NRG2: variants seen among roughly 807,000 people sequenced by gnomAD.
NRG2 encodes pro-neuregulin-2, membrane-bound isoform.
NRG2 carries 27 observed loss-of-function variants against 73.9 expected under a neutral mutation model. That is an observed-to-expected ratio of 0.37 (90% confidence interval 0.27 to 0.50). The LOEUF (loss-of-function observed/expected upper bound fraction) is 0.50. Among genes scored for constraint, NRG2 ranks in the 20% least tolerant of loss-of-function variants. The pLI is 0.96. For synonymous variants in NRG2, 532 were observed against 541.0 expected, an observed-to-expected ratio of 0.98 and a Z score of 0.23; for missense variants, 1,126 against 1,210.1, an observed-to-expected ratio of 0.93 and a Z score of 1.03.
chr5:139,985,203 G>A (rs1489679382), intron 1 of NRG2, among the ~76,000 whole-genome samples: 2 of 151,970 alleles, frequency 1.3e-5, no homozygotes, highest in Non-Finnish European at 2.9e-5. Context: ...AGCCAGGTGT[G>A]GTGGCACACA....
chr5:139,896,441 C>T (rs115280425), intron 1 of NRG2, among the ~76,000 whole-genome samples: 3,263 of 152,152 alleles, frequency 0.021, 120 homozygotes, highest in African/African-American at 0.074. Context: ...CAACTGCAAG[C>T]ATGAAAGTCC....
At chr5:140,001,301 G>A (rs1490648334) in intron 1 of NRG2, among the ~76,000 whole-genome samples, 4 of 152,106 alleles carry the variant, frequency 2.6e-5, no homozygotes, top group Admixed American at 2.6e-4. Flanking sequence ...CCATACTTAA[G>A]CGTATTTAAT....
chr5:139,859,560 A>G (rs1173822765), intron 5 of NRG2, among the ~76,000 whole-genome samples: 1 of 152,122 alleles, frequency 6.6e-6, no homozygotes, highest in African/African-American at 2.4e-5. Context: ...TCTCTTGTCC[A>G]GCCAGCCTGC....
In NRG2 at chr5:139,848,266, C is replaced by G. The variant is rs1025648140; in HGVS notation, c.2204G>C (p.Arg735Thr). ...CCAGCGCCGGGGCCCCGCCGACGTC[C>G]TGCGGGACGCACCGCGCGCGCGCGG... ...PRPRARGASR[R>T]TSAGPRRWRR... The change falls in exon 10 of 10, where the codon AGG (arginine) becomes ACG (threonine). Residue 735 changes from arginine to threonine, a missense_variant. By Grantham distance (71) the Arg-to-Thr change is moderately conservative. Coordinates refer to ENST00000361474, the MANE Select transcript of NRG2 (RefSeq NM_004883.3). The G allele has an allele frequency of 1.8e-6, 2 of 1,116,022 alleles. No individual in the cohort carries two copies. The highest frequency in any genetic ancestry group is 3.4e-5 in the African/African-American group (2 of 59,696). 69.1% of individuals were successfully genotyped at this position (1,116,022 alleles called of 1,614,324 possible).
rs554574182 is a variant in NRG2 at position 139,935,958 on chromosome 5, TAA to T, written c.701-48449_701-48448del. Among the ~76,000 whole-genome samples the T allele has an allele frequency of 4.8e-3, 585 of 122,208 alleles. 2 individuals carry two copies. The highest frequency in any genetic ancestry group is 0.016 in the African/African-American group (530 of 33,340). 80.2% of individuals were successfully genotyped at this position (122,208 alleles called of 152,430 possible). On this transcript the variant is annotated intron_variant, in intron 1 of 9. Transcript: ENST00000361474. ...TGGGTGACAGAGCAAGACTCTGTCT[TAA>T]AAAAAAAAAAAAAAAGAAAGAAAAA...
At chr5:139,861,836 C>T (rs1470389649) in intron 5 of NRG2, 7 of 473,936 alleles carry the variant, frequency 1.5e-5, no homozygotes, top group Admixed American at 1.3e-4. Context: ...GGAGAGCTCA[C>T]ATTGTTTGGC....
intron 3 of NRG2, among the ~76,000 whole-genome samples, chr5:139,877,188 TGTTAGCACCGCAAACTTCCTGCCGACTC>T (rs1763238814): frequency 6.6e-6 from 1 of 152,214 alleles, no homozygotes; most frequent in Admixed American, 6.5e-5. Flanking sequence ...CAAGCTATTG[TGTTAGCACCGCAAACTTCCTGCCGACTC>T]CTCCTGCCCG....
chr5:139,859,088 A>G (rs1203923951), intron 5 of NRG2, among the ~76,000 whole-genome samples: 1 of 152,078 alleles, frequency 6.6e-6, no homozygotes, highest in East Asian at 1.9e-4. Flanking sequence ...CACTTGAGCT[A>G]TGGAGGAGCC....
At chr5:139,909,143 T>A (rs990306493) in intron 1 of NRG2, among the ~76,000 whole-genome samples, 3 of 152,252 alleles carry the variant, frequency 2.0e-5, no homozygotes, top group Non-Finnish European at 2.9e-5. Context: ...AACAAGTTAA[T>A]TCAATTCCTT....
In NRG2 at chr5:139,865,314, C is replaced by A; in HGVS notation, c.1189+235G>T. ...TTGTATTGGCCTTGCCACTCTGCCC[C>A]TTACCTGCAGCCCTGAACTTTAAAC... On this transcript the variant is annotated intron_variant, in intron 5 of 9. Coordinates refer to ENST00000361474, the MANE Select transcript of NRG2 (RefSeq NM_004883.3). The surrounding 1 kb of genome is among the most constrained non-coding windows in gnomAD (Gnocchi z 5.2). 1 of 785,038 alleles carries A rather than the reference C, an allele frequency of 1.3e-6. No homozygotes were observed. 48.6% of individuals were successfully genotyped at this position (785,038 alleles called of 1,614,324 possible).
intron 1 of NRG2, among the ~76,000 whole-genome samples, chr5:139,930,339 A>G (rs890886649): frequency 6.6e-6 from 1 of 152,236 alleles, no homozygotes; most frequent in Non-Finnish European, 1.5e-5. Context: ...CAAGGAGATG[A>G]TCATGTCTAT....
At position 139,869,105 on chromosome 5, in the gene NRG2, T is replaced by TC. The variant is rs1359617056; in HGVS notation, c.1112+2615dup. On this transcript the variant is annotated intron_variant, in intron 4 of 9. Coordinates refer to ENST00000361474, the MANE Select transcript of NRG2 (RefSeq NM_004883.3). This position sits in a 1 kb window ranked among gnomAD's most constrained non-coding sequence, Gnocchi z 4.5. ...CTTGATTTGGACTCCCATTTTCAAATCCCCCTACGTTGTCTTTTTTTAAAA... is the reference window on the plus strand; with the variant it reads ...CTTGATTTGGACTCCCATTTTCAAATCCCCCCTACGTTGTCTTTTTTTAAAA... Among the ~76,000 whole-genome samples, 1 of 151,820 alleles carries TC rather than the reference T, an allele frequency of 6.6e-6. No individual in the cohort carries two copies. Among genetic ancestry groups the TC allele is most frequent in the Non-Finnish European group, 1.5e-5 (1 of 67,944 alleles).
rs1580990534 is a variant in NRG2, at chr5:140,033,088, A to T, written c.700+9282T>A. On this transcript the variant is annotated intron_variant, in intron 1 of 9. Coordinates refer to ENST00000361474, the MANE Select transcript of NRG2 (RefSeq NM_004883.3). Reference sequence around the variant, plus strand: ...AAATAAAATCACACAAACTCAAAAAATGTCACCTGTTACATGATCACATCT... The same window carrying T: ...AAATAAAATCACACAAACTCAAAAATTGTCACCTGTTACATGATCACATCT... 2.0e-5 allele frequency among the ~76,000 whole-genome samples: 3 copies of T among 152,220 alleles called. No individual in the cohort carries two copies. The East Asian group carries it at 5.8e-4, about 29-fold the overall frequency.
In NRG2 at chr5:139,856,898, T is replaced by C. The variant is rs1217864526; in HGVS notation, c.1190-1120A>G. Reference sequence around the variant, plus strand: ...CCCACTGACACACAGTTGGATGGAGTTGTAAACAACCAGACCTCCACCCTA... The same window carrying C: ...CCCACTGACACACAGTTGGATGGAGCTGTAAACAACCAGACCTCCACCCTA... On this transcript the variant is annotated intron_variant, in intron 5 of 9. Coordinates refer to ENST00000361474, the MANE Select transcript of NRG2 (RefSeq NM_004883.3). The surrounding 1 kb of genome is among the most constrained non-coding windows in gnomAD (Gnocchi z 4.2). 2.0e-5 allele frequency among the ~76,000 whole-genome samples: 3 copies of C among 151,778 alleles called. No individual in the cohort carries two copies.
chr5:139,870,847 T>C lies in NRG2; in HGVS notation c.1112+874A>G, dbSNP rs1235412670. Among the ~76,000 whole-genome samples, 2 of 152,216 alleles carry C rather than the reference T, an allele frequency of 1.3e-5. No individual in the cohort carries two copies. The highest frequency in any genetic ancestry group is 2.4e-5 in the African/African-American group (1 of 41,454). ...GGCCCAGCTGCCCAGAAGATCTGGCTGGGCCTGAACGAGCCCTCCCTGACA... is the reference window on the plus strand; with the variant it reads ...GGCCCAGCTGCCCAGAAGATCTGGCCGGGCCTGAACGAGCCCTCCCTGACA... On this transcript the variant is annotated intron_variant, in intron 4 of 9. Coordinates refer to ENST00000361474, the MANE Select transcript of NRG2 (RefSeq NM_004883.3). This position sits in a 1 kb window ranked among gnomAD's most constrained non-coding sequence, Gnocchi z 4.4.
intron 1 of NRG2, among the ~76,000 whole-genome samples, chr5:139,975,278 C>G (rs1756299492): frequency 6.6e-6 from 1 of 152,236 alleles, no homozygotes; most frequent in African/African-American, 2.4e-5. Flanking sequence ...GTCTAAACAC[C>G]TTTCCCAGCA....
At chr5:139,946,471 T>A (rs1292687149) in intron 1 of NRG2, among the ~76,000 whole-genome samples, 1 of 151,910 alleles carries the variant, frequency 6.6e-6, no homozygotes, top group Non-Finnish European at 1.5e-5. Flanking sequence ...AAAAACTAAC[T>A]CAAAATGGAT....
At chr5:139,914,911 C>T (rs1751135437) in intron 1 of NRG2, among the ~76,000 whole-genome samples, 1 of 152,150 alleles carries the variant, frequency 6.6e-6, no homozygotes, top group South Asian at 2.1e-4. Context: ...CCATTGTAGG[C>T]CCCCCAGCTG....
chr5:139,918,195 C>T (rs545336041), intron 1 of NRG2, among the ~76,000 whole-genome samples: 1 of 152,218 alleles, frequency 6.6e-6, no homozygotes, highest in South Asian at 2.1e-4. Flanking sequence ...GGATTGCAGT[C>T]TGGGAACCAC....
Sources: allele counts gnomAD v4.1 joint callset (sites outside exome capture counted in the v4.1 genomes callset), GRCh38; gene constraint gnomAD v4.1.1; non-coding constraint Gnocchi (gnomAD v3.1); transcripts MANE v1.5; gene names NCBI Gene and HGNC (gene_info 2026-07-23, HGNC 2026-07-21).